The following PLXNA4 variants were observed in gnomAD, a reference collection of about 807,000 sequenced individuals.
The protein encoded by PLXNA4 is plexin-A4.
In PLXNA4, 44 loss-of-function variants were observed where a neutral mutation model predicts 191.8. The observed-to-expected ratio is 0.23, with a 90% CI of 0.18 to 0.29. The LOEUF is 0.29. Among genes scored for constraint, PLXNA4 ranks in the 10% least tolerant of loss-of-function variants. The pLI is 1.00. For missense variants in PLXNA4, 1,800 were observed against 2,488.8 expected (o/e 0.72, Z 5.89); for synonymous variants, 1,082 against 1,009.5 (o/e 1.07, Z -1.36).
chr7:132,616,956 G>T (rs34935901), intron 2 of PLXNA4, among the ~76,000 whole-genome samples: 17,707 of 152,076 alleles, frequency 0.12, 1,149 homozygotes, highest in Non-Finnish European at 0.15. Flanking sequence ...CTTCTGATTC[G>T]GAGCATCAAG....
intron 3 of PLXNA4, among the ~76,000 whole-genome samples, chr7:132,305,216 G>A (rs1040948913): frequency 6.6e-6 from 1 of 152,100 alleles, no homozygotes; most frequent in Non-Finnish European, 1.5e-5. Context: ...ACTAACAATT[G>A]CATAGATGCA....
chr7:132,624,129 G>C (rs887375666), intron 2 of PLXNA4, among the ~76,000 whole-genome samples: 1 of 152,166 alleles, frequency 6.6e-6, no homozygotes, highest in African/African-American at 2.4e-5. Flanking sequence ...GAATGTCAGA[G>C]AGATTTGGTG....
At chr7:132,164,378 C>G in intron 23 of PLXNA4, 90 bp from the exon 24 acceptor site, 5 of 1,535,504 alleles carry the variant, frequency 3.3e-6, no homozygotes, top group Non-Finnish European at 4.4e-6. Context: ...TGCTTCCATC[C>G]CCTGCCAAGT....
chr7:132,636,659 CCTTGGAAGGT>C (rs1329928148), intron 2 of PLXNA4, among the ~76,000 whole-genome samples: 1 of 152,162 alleles, frequency 6.6e-6, no homozygotes, highest in East Asian at 1.9e-4. Flanking sequence ...TCACGTAAAG[CCTTGGAAGGT>C]CAGATTTCAT....
Position 132,237,365 on chromosome 7 carries a change from G to A in PLXNA4, c.1604+3701C>T, listed in dbSNP as rs140885674. On this transcript the variant is annotated intron_variant, in intron 5 of 31. Transcript: ENST00000321063. ...CTGCTCTTGTATCAAGGATGTATTC[G>A]AGTTTAAGAGGGTATTTTTAGCTTT... is the stretch of plus-strand genomic sequence containing the variant. Among the ~76,000 whole-genome samples the A allele has an allele frequency of 5.1e-3, 771 of 152,254 alleles. 3 individuals carry two copies. Among genetic ancestry groups the A allele is most frequent in the Non-Finnish European group, 8.0e-3 (542 of 68,016 alleles).
At chr7:132,211,263 C>A in intron 9 of PLXNA4, 120 bp from the exon 10 acceptor site, 1 of 1,061,658 alleles carries the variant, frequency 9.4e-7, no homozygotes, top group East Asian at 2.6e-5. Flanking sequence ...CCACAGGCGA[C>A]CCCTGAGGTG....
At chr7:132,252,487 T>A (rs201183418) in intron 4 of PLXNA4, among the ~76,000 whole-genome samples, 1 of 151,840 alleles carries the variant, frequency 6.6e-6, no homozygotes, top group East Asian at 1.9e-4. Context: ...AATTTTTGTA[T>A]TTTTAATAGA....
intron 4 of PLXNA4, among the ~76,000 whole-genome samples, chr7:132,245,907 G>T (rs763560065): frequency 2.0e-5 from 3 of 152,204 alleles, no homozygotes; most frequent in Non-Finnish European, 4.4e-5. Flanking sequence ...ACAGAAAGTA[G>T]TACGGTGGTT....
intron 3 of PLXNA4, among the ~76,000 whole-genome samples, chr7:132,352,622 A>G (rs555808998): frequency 7.7e-4 from 117 of 152,294 alleles, no homozygotes; most frequent in African/African-American, 2.7e-3. Flanking sequence ...TATGGGAAAA[A>G]GTTCACACAC....
At chr7:132,485,283 C>G (rs55851716) in intron 3 of PLXNA4, among the ~76,000 whole-genome samples, 23,178 of 152,182 alleles carry the variant, frequency 0.15, 2,349 homozygotes, top group Non-Finnish European at 0.23. Flanking sequence ...CGCTCCACCC[C>G]CTTAGGTGTG....
chr7:132,290,506 T>A (rs569163745), intron 4 of PLXNA4, among the ~76,000 whole-genome samples: 91 of 152,298 alleles, frequency 6.0e-4, no homozygotes, highest in Non-Finnish European at 1.1e-3. Context: ...CTTGGCAGGT[T>A]TTTATCACAC....
chr7:132,159,240 T>G (rs1043559646), intron 25 of PLXNA4, among the ~76,000 whole-genome samples: 2 of 152,138 alleles, frequency 1.3e-5, no homozygotes, highest in Admixed American at 6.5e-5. Context: ...GACTACCAAG[T>G]GGCCCGTGGA....
chr7:132,561,954 TCCTCCTC>T (rs1801150422), intron 1 of PLXNA4, among the ~76,000 whole-genome samples: 1 of 139,880 alleles, frequency 7.1e-6, no homozygotes, highest in African/African-American at 2.7e-5. Flanking sequence ...CTCCTCTTTC[TCCTCCTC>T]CTCCTTATCC....
At chr7:132,351,971 C>T (rs948408995) in intron 3 of PLXNA4, among the ~76,000 whole-genome samples, 3 of 152,224 alleles carry the variant, frequency 2.0e-5, no homozygotes, top group Admixed American at 6.5e-5. Flanking sequence ...TCAAATTAAA[C>T]CACAGGGCTT....
chr7:132,326,105 G>T (rs6968829), intron 3 of PLXNA4, among the ~76,000 whole-genome samples: 104,613 of 151,952 alleles, frequency 0.69, 36,356 homozygotes, highest in East Asian at 0.81. Flanking sequence ...CCAGTGAGGG[G>T]GGGTCTCTAC....
chr7:132,425,610 A>T (rs1795012576), intron 3 of PLXNA4, among the ~76,000 whole-genome samples: 1 of 152,172 alleles, frequency 6.6e-6, no homozygotes, highest in Non-Finnish European at 1.5e-5. Flanking sequence ...GCAGACAGGA[A>T]GGCAGACAGG....
At position 132,345,184 on chromosome 7, in the gene PLXNA4, C is replaced by A. The variant is rs1343584674; in HGVS notation, c.1372-46962G>T. ...AGGCAAAAATTCTAGACTCTTAACACATTACGGCTGGTTACTTTGGCAAAC... is the reference window on the plus strand; with the variant it reads ...AGGCAAAAATTCTAGACTCTTAACAAATTACGGCTGGTTACTTTGGCAAAC... On this transcript the variant is annotated intron_variant, in intron 3 of 31. Transcript: ENST00000321063. 2.0e-5 allele frequency among the ~76,000 whole-genome samples: 3 copies of A among 152,196 alleles called. No individual in the cohort carries two copies. In the East Asian group the frequency reaches 5.8e-4, roughly 29 times the overall value.
At chr7:132,277,415 A>G (rs562824475) in intron 4 of PLXNA4, among the ~76,000 whole-genome samples, 2 of 152,200 alleles carry the variant, frequency 1.3e-5, no homozygotes, top group Non-Finnish European at 2.9e-5. Context: ...CTGCAAGCCA[A>G]TTATAAGCCC....
intron 2 of PLXNA4, among the ~76,000 whole-genome samples, chr7:132,630,621 C>T (rs1033317757): frequency 5.3e-5 from 8 of 152,196 alleles, no homozygotes; most frequent in Non-Finnish European, 1.0e-4. Context: ...ACGCCATTCT[C>T]CTGCCTCAGC....
Sources: gnomAD v4.1 joint callset for allele counts (sites outside exome capture counted in the v4.1 genomes callset) on GRCh38, gnomAD v4.1.1 for gene constraint, MANE v1.5 for transcripts, NCBI Gene and HGNC (gene_info 2026-07-23, HGNC 2026-07-21) for gene names.